The following ACSL4 variants were observed in gnomAD, a reference collection of about 807,000 sequenced individuals.
ACSL4 encodes the protein acyl-CoA synthetase long chain family member 4, also known as long-chain-fatty-acid--CoA ligase 4.
Under a neutral mutation model 49.1 loss-of-function variants are expected in ACSL4, and 9 were observed. The ratio of observed to expected loss-of-function variants is 0.18; its 90% CI spans 0.11 to 0.32. ACSL4 has a LOEUF of 0.32. ACSL4 is among the 10% of genes least tolerant of loss of function. The pLI is 1.00. For missense variants in ACSL4, 333 were observed against 493.7 expected (o/e 0.67, Z 3.08); for synonymous variants, 191 against 170.3 (o/e 1.12, Z -0.95).
intron 15 of ACSL4, among the ~76,000 whole-genome samples, chrX:109,646,168 G>C (rs1466099512): frequency 4.5e-5 from 5 of 110,919 alleles, no homozygotes; most frequent in African/African-American, 1.6e-4. Flanking sequence ...GAAATACAGA[G>C]AATGCCACAA....
At chrX:109,699,258 G>T (rs73248180) in intron 1 of ACSL4, among the ~76,000 whole-genome samples, 48,611 of 110,555 alleles carry the variant, frequency 0.44, 8,532 homozygotes, top group Middle Eastern at 0.62. Context: ...ACCCAGCTAC[G>T]GGGGAGGCTG....
rs1294456967 is a variant in ACSL4 at position 109,720,316 on chromosome X, C to T, written c.-66+12823G>A. ...CTGCACTCCAGCCTAGGCAACAGAGCGAGACTCAAAAAAAAAAAAGCTACT... is the reference window on the plus strand; with the variant it reads ...CTGCACTCCAGCCTAGGCAACAGAGTGAGACTCAAAAAAAAAAAAGCTACT... On this transcript the variant is annotated intron_variant, in intron 1 of 15. Coordinates refer to ENST00000672401, the MANE Select transcript of ACSL4 (RefSeq NM_001318510.2). Among the ~76,000 whole-genome samples the T allele has an allele frequency of 3.7e-5, 4 of 107,317 alleles. No individual in the cohort carries two copies. In the East Asian group the frequency reaches 1.2e-3, roughly 31 times the overall value. The allele number at this position is 107,317 out of a possible 115,157, so 93.2% of individuals were successfully genotyped here. A position where few individuals can be genotyped will look rare whatever the true frequency, so the allele number is the denominator to read the frequency against.
rs1325800478 is a variant in ACSL4, at chrX:109,707,772, A to G, written c.-65-11576T>C. On this transcript the variant is annotated intron_variant, in intron 1 of 15. Transcript: ENST00000672401. ...TAAAATAATGTATCCATGTGATCAAATACTATGCGGCCATCAAATGCAGCA... is the reference window on the plus strand; with the variant it reads ...TAAAATAATGTATCCATGTGATCAAGTACTATGCGGCCATCAAATGCAGCA... 2.7e-5 allele frequency among the ~76,000 whole-genome samples: 3 copies of G among 112,207 alleles called. No homozygotes were observed. The Admixed American group carries it at 2.8e-4, about 11-fold the overall frequency.
chrX:109,706,015 C>A (rs781026333), intron 1 of ACSL4, among the ~76,000 whole-genome samples: 1 of 112,655 alleles, frequency 8.9e-6, no homozygotes, highest in East Asian at 2.8e-4. Flanking sequence ...TTTTTAGCAA[C>A]AATGTTTAAA....
rs190131123 is a variant in ACSL4, at chrX:109,671,264, C to G, written c.1003-2091G>C. Among the ~76,000 whole-genome samples, 534 of 110,893 alleles carry G rather than the reference C, an allele frequency of 4.8e-3. 6 individuals are homozygous for G. The highest frequency in any genetic ancestry group is 0.017 in the African/African-American group (515 of 30,501). Reference sequence around the variant, plus strand: ...CCCATCTGAGATGTGAAGAGCGCCTCTGCCCAGCCGCGACCCCGTCTGGGA... The same window carrying G: ...CCCATCTGAGATGTGAAGAGCGCCTGTGCCCAGCCGCGACCCCGTCTGGGA... On this transcript the variant is annotated intron_variant, in intron 9 of 15. Transcript: ENST00000672401.
intron 7 of ACSL4, 64 bp downstream of exon 7, chrX:109,678,201 T>A: frequency 5.0e-6 from 6 of 1,205,200 alleles, no homozygotes; most frequent in Non-Finnish European, 6.7e-6. Context: ...TAATATAGAT[T>A]GAGTTTAGAG....
intron 1 of ACSL4, among the ~76,000 whole-genome samples, chrX:109,701,391 AT>A (rs1925918885): frequency 9.3e-6 from 1 of 107,883 alleles, no homozygotes; most frequent in African/African-American, 3.4e-5. Context: ...TAATTTTTGT[AT>A]TTTGAGTAAA....
intron 1 of ACSL4, among the ~76,000 whole-genome samples, chrX:109,711,586 T>C (rs1926754019): frequency 8.9e-6 from 1 of 112,594 alleles, no homozygotes; most frequent in African/African-American, 3.2e-5. Context: ...GAACCTCTTT[T>C]AATTTCTCAA....
At chrX:109,682,032 A>G (rs1924201558) in intron 4 of ACSL4, among the ~76,000 whole-genome samples, 1 of 112,157 alleles carries the variant, frequency 8.9e-6, no homozygotes, top group Non-Finnish European at 1.9e-5. Flanking sequence ...ATGTGGTTAA[A>G]AATAGCCACT....
At chrX:109,730,090 T>G (rs1185671917) in intron 1 of ACSL4, among the ~76,000 whole-genome samples, 1 of 112,190 alleles carries the variant, frequency 8.9e-6, no homozygotes, top group Non-Finnish European at 1.9e-5. Context: ...AATACATACA[T>G]GCAAATGACT....
chrX:109,686,674 ATAAATT>A (rs1924628244), intron 2 of ACSL4, among the ~76,000 whole-genome samples: 1 of 111,457 alleles, frequency 9.0e-6, no homozygotes, highest in Non-Finnish European at 1.9e-5. Context: ...TTGATGTTAC[ATAAATT>A]TAATCTTTTA....
intron 1 of ACSL4, among the ~76,000 whole-genome samples, chrX:109,701,627 C>G (rs1925952744): frequency 2.0e-5 from 2 of 101,555 alleles, no homozygotes; most frequent in African/African-American, 7.3e-5. Flanking sequence ...CTCACTGCAA[C>G]CTCCGCCTCA....
chrX:109,682,696 C>T, intron 4 of ACSL4, 23 bp downstream of exon 4: 1 of 1,210,669 alleles, frequency 8.3e-7, no homozygotes, highest in Non-Finnish European at 1.1e-6. Context: ...CCTCTCCCCC[C>T]TCCAAAAACA....
At chrX:109,670,706 G>C (rs1923115557) in intron 9 of ACSL4, among the ~76,000 whole-genome samples, 1 of 109,696 alleles carries the variant, frequency 9.1e-6, no homozygotes, top group Non-Finnish European at 1.9e-5. Flanking sequence ...CCGCCATCTC[G>C]ACTCACTGCA....
chrX:109,712,664 G>A (rs771650509), intron 1 of ACSL4, among the ~76,000 whole-genome samples: 1 of 112,340 alleles, frequency 8.9e-6, no homozygotes, highest in South Asian at 3.7e-4. Context: ...GACCATGAAT[G>A]TGGAAGAGTA....
chrX:109,696,567 C>G (rs927403497), intron 1 of ACSL4, among the ~76,000 whole-genome samples: 1 of 112,392 alleles, frequency 8.9e-6, no homozygotes, highest in Non-Finnish European at 1.9e-5. Context: ...ACAGCCATCC[C>G]CACACACAGA....
chrX:109,678,849 C>A (rs1247225727), intron 6 of ACSL4, among the ~76,000 whole-genome samples: 1 of 112,367 alleles, frequency 8.9e-6, no homozygotes, highest in East Asian at 2.8e-4. Context: ...TTACAGTGAG[C>A]ATTTTGGACT....
At chrX:109,695,349 CA>C (rs34826689) in intron 2 of ACSL4, among the ~76,000 whole-genome samples, 65 of 94,360 alleles carry the variant, frequency 6.9e-4, no homozygotes, top group Admixed American at 9.5e-4. Flanking sequence ...CATCTTGGGG[CA>C]AAAAAAAAAA....
At chrX:109,645,295 G>C (rs1293771394) in intron 15 of ACSL4, among the ~76,000 whole-genome samples, 2 of 112,419 alleles carry the variant, frequency 1.8e-5, no homozygotes, top group African/African-American at 6.5e-5. Context: ...GAAGAGATCA[G>C]TGGTTCTCCC....
Sources: gnomAD v4.1 joint callset for allele counts (sites outside exome capture counted in the v4.1 genomes callset) on GRCh38, gnomAD v4.1.1 for gene constraint, MANE v1.5 for transcripts, NCBI Gene and HGNC (gene_info 2026-07-23, HGNC 2026-07-21) for gene names.